GRAMD2B: variants seen among roughly 807,000 people sequenced by gnomAD.
The protein encoded by GRAMD2B is GRAM domain containing 2B.
In GRAMD2B, 41 loss-of-function variants were observed where a neutral mutation model predicts 59.2. The ratio of observed to expected loss-of-function variants is 0.69; its 90% CI spans 0.54 to 0.90. GRAMD2B has a LOEUF of 0.90. Ranked by LOEUF, GRAMD2B falls within the 40% of genes least tolerant of loss-of-function variation. The pLI is 0.00. For synonymous variants in GRAMD2B, 161 were observed against 182.7 expected (o/e 0.88, Z 0.96); for missense variants, 424 against 500.5 (o/e 0.85, Z 1.46).
At chr5:126,399,280 C>T (rs979185278) in intron 1 of GRAMD2B, among the ~76,000 whole-genome samples, 4 of 152,088 alleles carry the variant, frequency 2.6e-5, no homozygotes, top group Admixed American at 1.3e-4. Flanking sequence ...TTTAGGTCCT[C>T]TGATATTTTG....
chr5:126,381,536 T>G (rs905335450), intron 1 of GRAMD2B, among the ~76,000 whole-genome samples: 2 of 152,222 alleles, frequency 1.3e-5, no homozygotes, highest in Non-Finnish European at 2.9e-5. Flanking sequence ...TCCATTTGCA[T>G]GGAATATCTT....
intron 1 of GRAMD2B, among the ~76,000 whole-genome samples, chr5:126,392,854 C>T (rs1451189618): frequency 6.6e-6 from 1 of 152,056 alleles, no homozygotes; most frequent in Non-Finnish European, 1.5e-5. Context: ...AGGGTTTGTG[C>T]TCCTATGAGA....
At chr5:126,445,228 G>A (rs563358975) in intron 1 of GRAMD2B, among the ~76,000 whole-genome samples, 1 of 152,204 alleles carries the variant, frequency 6.6e-6, no homozygotes, top group African/African-American at 2.4e-5. Context: ...TGGGATTACT[G>A]GGTCAAATGG....
chr5:126,440,038 AC>A (rs1221587548), intron 1 of GRAMD2B, among the ~76,000 whole-genome samples: 3 of 151,994 alleles, frequency 2.0e-5, no homozygotes, highest in Non-Finnish European at 2.9e-5. Context: ...TTAATAAATT[AC>A]CCAGTCTCCG....
intron 1 of GRAMD2B, among the ~76,000 whole-genome samples, chr5:126,454,172 A>C (rs13152906): frequency 0.31 from 47,679 of 152,014 alleles, 7,899 homozygotes; most frequent in East Asian, 0.59. Flanking sequence ...TTTTGAAAAG[A>C]AGAGGGAGAT....
intron 1 of GRAMD2B, among the ~76,000 whole-genome samples, chr5:126,385,976 G>T (rs1216236034): frequency 1.3e-5 from 2 of 152,156 alleles, no homozygotes; most frequent in East Asian, 3.8e-4. Flanking sequence ...GGTCTCTGGA[G>T]CAGAGAGGGA....
rs369917478 is a variant in GRAMD2B, at chr5:126,463,887, C to T, written c.84-1539C>T. 4.7e-4 allele frequency among the ~76,000 whole-genome samples: 72 copies of T among 152,218 alleles called. No homozygotes were observed. In the South Asian group the frequency reaches 0.014, roughly 30 times the overall value. The stretch of plus-strand genomic sequence containing the variant: ...TACAAAAATTAGCCAGGCATGGTGG[C>T]GTGCGCCTGTAATCCCAGCTACTTG... On this transcript the variant is annotated intron_variant, in intron 1 of 13. Coordinates refer to ENST00000285689, the MANE Select transcript of GRAMD2B (RefSeq NM_023927.4).
intron 9 of GRAMD2B, among the ~76,000 whole-genome samples, 193 bp from the exon 10 acceptor site, chr5:126,484,209 T>G (rs1203968563): frequency 6.6e-6 from 1 of 152,252 alleles, no homozygotes; most frequent in Admixed American, 6.5e-5. Flanking sequence ...AATGAAAGAC[T>G]ATCCTTATAT....
At chr5:126,446,017 A>G (rs1265222858) in intron 1 of GRAMD2B, among the ~76,000 whole-genome samples, 1 of 152,214 alleles carries the variant, frequency 6.6e-6, no homozygotes, top group African/African-American at 2.4e-5. Context: ...CAAGTCCCCT[A>G]CTGGGTAACC....
chr5:126,447,643 G>T (rs532564655), intron 1 of GRAMD2B, among the ~76,000 whole-genome samples: 1 of 143,402 alleles, frequency 7.0e-6, no homozygotes, highest in Non-Finnish European at 1.5e-5. Flanking sequence ...CAGCCTGGGC[G>T]ACAGAGCAAG....
At chr5:126,473,728 C>T (rs1397615508) in intron 5 of GRAMD2B, among the ~76,000 whole-genome samples, 7 of 152,144 alleles carry the variant, frequency 4.6e-5, no homozygotes, top group Non-Finnish European at 1.0e-4. Context: ...TACATTTAAA[C>T]CAAAATCATT....
chr5:126,411,803 T>C (rs1283700576), intron 1 of GRAMD2B, among the ~76,000 whole-genome samples: 3 of 150,578 alleles, frequency 2.0e-5, no homozygotes, highest in Non-Finnish European at 4.4e-5. Flanking sequence ...TAGTTCTCCT[T>C]GTAGAGATCT....
At chr5:126,420,231 C>T (rs913304666), upstream of GRAMD2B, among the ~76,000 whole-genome samples, 9 of 152,098 alleles carry the variant, frequency 5.9e-5, no homozygotes, top group Non-Finnish European at 1.0e-4. Flanking sequence ...TGTCTCCTCT[C>T]ACATATCATA....
chr5:126,376,431 C>T (rs1294859349), intron 1 of GRAMD2B, among the ~76,000 whole-genome samples: 1 of 152,206 alleles, frequency 6.6e-6, no homozygotes, highest in Non-Finnish European at 1.5e-5. Context: ...TGTGTCTTCT[C>T]CTCTATTCTA....
intron 1 of GRAMD2B, among the ~76,000 whole-genome samples, chr5:126,412,616 G>A (rs1477429518): frequency 6.6e-6 from 1 of 152,034 alleles, no homozygotes. Context: ...GGGTGATGCT[G>A]GCTTTATAGA....
intron 1 of GRAMD2B, 88 bp from the exon 2 acceptor site, chr5:126,465,338 T>A: frequency 6.3e-7 from 1 of 1,589,136 alleles, no homozygotes; most frequent in East Asian, 2.2e-5. Flanking sequence ...ATCATTCCAT[T>A]CTCTAGAAAA....
intron 13 of GRAMD2B, among the ~76,000 whole-genome samples, chr5:126,492,333 T>C (rs1187132258): frequency 2.6e-5 from 4 of 152,180 alleles, no homozygotes; most frequent in African/African-American, 9.7e-5. Flanking sequence ...TTGTTCTTTT[T>C]CTTCCATCTC....
intron 1 of GRAMD2B, among the ~76,000 whole-genome samples, chr5:126,386,304 C>T (rs1220294029): frequency 1.3e-5 from 2 of 152,248 alleles, no homozygotes; most frequent in African/African-American, 2.4e-5. Context: ...AAGGCAAATC[C>T]GAATTCCAAA....
intron 3 of GRAMD2B, 125 bp downstream of exon 3, chr5:126,469,913 A>G (rs1769227046): frequency 1.5e-6 from 1 of 645,300 alleles, no homozygotes; most frequent in Non-Finnish European, 2.7e-6. Context: ...GAGTTTAGAG[A>G]ATTTAGAAGA....
Sources: allele counts gnomAD v4.1 joint callset (sites outside exome capture counted in the v4.1 genomes callset), GRCh38; gene constraint gnomAD v4.1.1; transcripts MANE v1.5; gene names NCBI Gene and HGNC (gene_info 2026-07-23, HGNC 2026-07-21).